RASA1: variants seen among roughly 807,000 people sequenced by gnomAD.
RASA1 encodes the protein RAS p21 protein activator 1, also known as ras GTPase-activating protein 1.
In RASA1, 25 loss-of-function variants were observed where a neutral mutation model predicts 132.2. That is an observed-to-expected ratio of 0.19 (90% CI 0.14 to 0.26). RASA1 has a LOEUF of 0.26. Among genes scored for constraint, RASA1 ranks in the 10% least tolerant of loss-of-function variants. The probability of loss-of-function intolerance (pLI) is 1.00; values close to 1 mark genes in which losing one functional copy is unlikely to be tolerated. For synonymous variants in RASA1, 477 were observed against 449.9 expected, an observed-to-expected ratio of 1.06 and a Z score of -0.76; for missense variants, 964 against 1,299.2, an observed-to-expected ratio of 0.74 and a Z score of 3.97.
chr5:87,353,374 C>G, intron 9 of RASA1, 139 bp downstream of exon 9: 1 of 753,334 alleles, frequency 1.3e-6, no homozygotes, highest in South Asian at 1.6e-5. Context: ...TTTAGAAAGT[C>G]AACTGTAAGA....
chr5:87,352,659 T>G (rs1759361226), intron 8 of RASA1, among the ~76,000 whole-genome samples: 2 of 151,786 alleles, frequency 1.3e-5, no homozygotes, highest in South Asian at 2.1e-4. Flanking sequence ...TAGCTGGGGG[T>G]TTTTTTCTTC....
chr5:87,332,441 T>C (rs1757670419), intron 2 of RASA1, 66 bp from the exon 3 acceptor site: 1 of 1,472,824 alleles, frequency 6.8e-7, no homozygotes, highest in Non-Finnish European at 9.4e-7. Context: ...AATTTCTTTA[T>C]AAAACTTGAT....
intron 5 of RASA1, among the ~76,000 whole-genome samples, chr5:87,338,533 A>ATATAT (rs1491365794): frequency 0.014 from 1,304 of 90,996 alleles, 64 homozygotes; most frequent in South Asian, 0.022. Context: ...ATATATATAT[A>ATATAT]AAATTTTTTT....
chr5:87,306,505 A>T (rs1755618363), intron 1 of RASA1, among the ~76,000 whole-genome samples: 1 of 152,030 alleles, frequency 6.6e-6, no homozygotes, highest in South Asian at 2.1e-4. Context: ...AAAATGACTA[A>T]TAGGTACCAG....
intron 1 of RASA1, among the ~76,000 whole-genome samples, chr5:87,281,870 C>T (rs142758955): frequency 1.1e-4 from 16 of 152,188 alleles, no homozygotes; most frequent in East Asian, 7.7e-4. Flanking sequence ...TGTGAGCCAC[C>T]GCCCCCAGCC....
At chr5:87,278,666 A>G (rs890247154) in intron 1 of RASA1, among the ~76,000 whole-genome samples, 4 of 152,196 alleles carry the variant, frequency 2.6e-5, no homozygotes, top group Non-Finnish European at 5.9e-5. Flanking sequence ...ACATCGCTGT[A>G]ATCCACCTAT....
Position 87,331,409 on chromosome 5 carries a change from T to G in RASA1, c.601T>G (p.Ser201Ala), listed in dbSNP as rs1369902167. The change falls in exon 2 of 25, where the codon TCT (serine) becomes GCT (alanine). Residue 201 changes from serine to alanine, a missense_variant. By Grantham distance (99) the Ser-to-Ala change is moderately conservative. Coordinates refer to ENST00000274376, the MANE Select transcript of RASA1 (RefSeq NM_002890.3). The stretch of plus-strand genomic sequence containing the variant: ...AGAACGCCTCAGGCAGGCAGGGAAG[T>G]CTGGCAGTTATCTTATAAGAGAGAG... ...AEERLRQAGKSGSYLIRESDR... is the reference protein window; with the variant it reads ...AEERLRQAGKAGSYLIRESDR... 1.2e-6 allele frequency: 2 copies of G among 1,613,478 alleles called. No homozygotes were observed. The highest frequency in any genetic ancestry group is 1.7e-6 in the Non-Finnish European group (2 of 1,179,580).
intron 8 of RASA1, among the ~76,000 whole-genome samples, chr5:87,350,031 T>C (rs1253253739): frequency 6.6e-6 from 1 of 151,896 alleles, no homozygotes; most frequent in Non-Finnish European, 1.5e-5. Flanking sequence ...GCTGGCATAA[T>C]CTTGTTCTAA....
At chr5:87,388,001 A>T (rs1369500491) in intron 23 of RASA1, among the ~76,000 whole-genome samples, 2 of 152,164 alleles carry the variant, frequency 1.3e-5, no homozygotes, top group Non-Finnish European at 2.9e-5. Context: ...TAATAAGCCA[A>T]ATTTATTTTT....
intron 1 of RASA1, among the ~76,000 whole-genome samples, chr5:87,321,982 A>G (rs1020654321): frequency 2.0e-5 from 3 of 152,202 alleles, no homozygotes; most frequent in Non-Finnish European, 4.4e-5. Context: ...TTGTAATAAA[A>G]GACTATAACA....
intron 11 of RASA1, among the ~76,000 whole-genome samples, chr5:87,366,726 T>A (rs1174540185): frequency 6.6e-6 from 1 of 152,198 alleles, no homozygotes. Flanking sequence ...AGTCTCTCAT[T>A]TAGAAAACAG....
chr5:87,349,181 A>G (rs778268165), intron 7 of RASA1, 33 bp from the exon 8 acceptor site: 2 of 1,607,978 alleles, frequency 1.2e-6, no homozygotes, highest in Admixed American at 3.3e-5. Flanking sequence ...TTATTTGATA[A>G]TTAGGGAAAA....
intron 24 of RASA1, among the ~76,000 whole-genome samples, chr5:87,389,851 CTGTCT>C (rs777338905): frequency 3.3e-4 from 50 of 152,038 alleles, no homozygotes; most frequent in Admixed American, 3.0e-3. Context: ...CTTTCAGTTT[CTGTCT>C]TGTCTTTTCT....
intron 16 of RASA1, 136 bp from the exon 17 acceptor site, chr5:87,376,744 TC>T: frequency 1.6e-6 from 2 of 1,214,774 alleles, no homozygotes; most frequent in South Asian, 2.9e-5. Context: ...ACGAATTCAT[TC>T]TATTTTAAAT....
At chr5:87,388,211 A>G (rs1762200382) in intron 23 of RASA1, among the ~76,000 whole-genome samples, 1 of 152,190 alleles carries the variant, frequency 6.6e-6, no homozygotes. Flanking sequence ...TTTCATCGCT[A>G]TAAACCTTTA....
At chr5:87,372,060 G>T (rs919879447) in intron 12 of RASA1, 58 bp from the exon 13 acceptor site, 11 of 1,444,578 alleles carry the variant, frequency 7.6e-6, no homozygotes, top group Non-Finnish European at 8.6e-6. Flanking sequence ...CCTAACTGAT[G>T]ATTTGGAAGC....
chr5:87,271,278 G>A (rs1753819153), intron 1 of RASA1, among the ~76,000 whole-genome samples: 2 of 151,842 alleles, frequency 1.3e-5, no homozygotes, highest in Non-Finnish European at 1.5e-5. Context: ...TTACAGCACT[G>A]CTTTTGAAAA....
intron 8 of RASA1, 92 bp from the exon 9 acceptor site, chr5:87,353,065 T>C: frequency 1.0e-6 from 1 of 968,834 alleles, no homozygotes. Flanking sequence ...ATTTGCTAAT[T>C]AGATAATCCT....
chr5:87,323,995 T>C (rs1181851104), intron 1 of RASA1, among the ~76,000 whole-genome samples: 1 of 152,198 alleles, frequency 6.6e-6, no homozygotes, highest in African/African-American at 2.4e-5. Context: ...TTCTGTCGTA[T>C]TTACTGTTAT....
Sources: gnomAD v4.1 joint callset for allele counts (sites outside exome capture counted in the v4.1 genomes callset) on GRCh38, gnomAD v4.1.1 for gene constraint, MANE v1.5 for transcripts, NCBI Gene and HGNC (gene_info 2026-07-23, HGNC 2026-07-21) for gene names.